The following ENOX1 variants were observed in gnomAD, a reference collection of about 807,000 sequenced individuals.
ENOX1 encodes ecto-NOX disulfide-thiol exchanger 1.
In ENOX1, 42 loss-of-function variants were observed where a neutral mutation model predicts 82.5. The ratio of observed to expected loss-of-function variants is 0.51; its 90% CI spans 0.40 to 0.66. The LOEUF is 0.66. ENOX1 is among the 30% of genes least tolerant of loss of function. The pLI is 0.00. For synonymous variants in ENOX1, 271 were observed against 282.2 expected (o/e 0.96, Z 0.40); for missense variants, 608 against 811.6 (o/e 0.75, Z 3.05).
chr13:43,383,258 G>C (rs2052185509), intron 5 of ENOX1, among the ~76,000 whole-genome samples: 1 of 152,082 alleles, frequency 6.6e-6, no homozygotes, highest in South Asian at 2.1e-4. Flanking sequence ...TTGTATATCT[G>C]AATTTACTCC....
At chr13:43,283,426 C>CTACTT (rs1389204274) in intron 12 of ENOX1, among the ~76,000 whole-genome samples, 1 of 151,872 alleles carries the variant, frequency 6.6e-6, no homozygotes, top group Admixed American at 6.6e-5. Context: ...ATTATCCCCT[C>CTACTT]TACTTTGTGT....
At chr13:43,482,992 CTG>C (rs1566344410) in intron 3 of ENOX1, among the ~76,000 whole-genome samples, 1 of 152,102 alleles carries the variant, frequency 6.6e-6, no homozygotes, top group Non-Finnish European at 1.5e-5. Context: ...AGTGGGAAAA[CTG>C]GAGTCTAGCC....
At chr13:43,752,723 TC>T (rs1185258406) in intron 1 of ENOX1, among the ~76,000 whole-genome samples, 4 of 152,304 alleles carry the variant, frequency 2.6e-5, no homozygotes, top group African/African-American at 9.6e-5. Context: ...GTTCCAAGGA[TC>T]TATTTTTCTG....
chr13:43,413,701 T>A (rs891475153), intron 3 of ENOX1, among the ~76,000 whole-genome samples: 1 of 147,094 alleles, frequency 6.8e-6, no homozygotes, highest in African/African-American at 2.5e-5. Flanking sequence ...ATATATATTT[T>A]TATATATTTA....
At chr13:43,536,229 G>A (rs1320099271) in intron 2 of ENOX1, among the ~76,000 whole-genome samples, 1 of 152,178 alleles carries the variant, frequency 6.6e-6, no homozygotes, top group Non-Finnish European at 1.5e-5. Context: ...AATGATTGGT[G>A]AATCTGGTTT....
chr13:43,615,560 T>A (rs2082371341), intron 2 of ENOX1, among the ~76,000 whole-genome samples: 1 of 152,174 alleles, frequency 6.6e-6, no homozygotes, highest in Admixed American at 6.5e-5. Flanking sequence ...CCATGCCTGA[T>A]CTAATTAATC....
intron 5 of ENOX1, among the ~76,000 whole-genome samples, chr13:43,405,047 A>G (rs2053712739): frequency 6.7e-6 from 1 of 149,902 alleles, no homozygotes; most frequent in Non-Finnish European, 1.5e-5. Context: ...AAGGGACTAA[A>G]GAAAGAAACT....
chr13:43,474,922 G>A (rs999706827), intron 3 of ENOX1, among the ~76,000 whole-genome samples: 3 of 152,050 alleles, frequency 2.0e-5, no homozygotes, highest in Admixed American at 6.6e-5. Flanking sequence ...CTGAGAGAAT[G>A]GGCCTACCCA....
intron 1 of ENOX1, among the ~76,000 whole-genome samples, chr13:43,727,062 G>A (rs1409019868): frequency 2.0e-5 from 3 of 152,064 alleles, no homozygotes; most frequent in South Asian, 2.1e-4. Context: ...GTGATGCACC[G>A]AAGAACACCC....
At chr13:43,754,521 C>T (rs2220788) in intron 1 of ENOX1, among the ~76,000 whole-genome samples, 4,957 of 150,786 alleles carry the variant, frequency 0.033, 213 homozygotes, top group East Asian at 0.22. Context: ...TTAGCAGAGA[C>T]GGGGTTTCAC....
At chr13:43,635,366 T>G (rs923869553) in intron 2 of ENOX1, among the ~76,000 whole-genome samples, 5 of 152,210 alleles carry the variant, frequency 3.3e-5, no homozygotes, top group African/African-American at 9.7e-5. Flanking sequence ...TCCTTTCTAC[T>G]GATGAGCATT....
intron 2 of ENOX1, among the ~76,000 whole-genome samples, chr13:43,653,717 G>T (rs1191878185): frequency 6.6e-6 from 1 of 152,022 alleles, no homozygotes; most frequent in Non-Finnish European, 1.5e-5. Context: ...CAGAACTTGA[G>T]TAGTCAATAA....
chr13:43,359,150 A>C (rs566246571), intron 7 of ENOX1, among the ~76,000 whole-genome samples: 1 of 151,962 alleles, frequency 6.6e-6, no homozygotes, highest in South Asian at 2.1e-4. Context: ...TGAAATGCAG[A>C]GGGACAGACT....
chr13:43,674,599 A>G (rs1366278884), intron 1 of ENOX1, among the ~76,000 whole-genome samples: 1 of 152,094 alleles, frequency 6.6e-6, no homozygotes, highest in Non-Finnish European at 1.5e-5. Flanking sequence ...GGAGGGAGGA[A>G]TAGGCAGAGG....
At position 43,524,186 on chromosome 13, in the gene ENOX1, T is replaced by A. The variant is rs188331200; in HGVS notation, c.-218-40034A>T. ...CCAACTCATTGTCTTGATAGTGACA[T>A]CTGAAAACAAGTTCTCACCCCATGG... On this transcript the variant is annotated intron_variant, in intron 2 of 16. Coordinates refer to ENST00000690772, the MANE Select transcript of ENOX1 (RefSeq NM_001347969.2). Among the ~76,000 whole-genome samples the A allele has an allele frequency of 1.4e-3, 217 of 152,268 alleles. 2 individuals are homozygous for A. The highest frequency in any genetic ancestry group is 6.8e-3 in the Middle Eastern group (2 of 292).
intron 11 of ENOX1, among the ~76,000 whole-genome samples, chr13:43,309,770 C>T (rs919943751): frequency 6.6e-6 from 1 of 152,154 alleles, no homozygotes; most frequent in Non-Finnish European, 1.5e-5. Context: ...CATTTAAACC[C>T]TCTATATATT....
At chr13:43,702,997 C>G (rs1347340746) in intron 1 of ENOX1, among the ~76,000 whole-genome samples, 1 of 140,890 alleles carries the variant, frequency 7.1e-6, no homozygotes, top group Non-Finnish European at 1.5e-5. Flanking sequence ...TGAGGAAGCC[C>G]TTTTGCCCCT....
intron 3 of ENOX1, among the ~76,000 whole-genome samples, chr13:43,453,727 G>A (rs2057084570): frequency 1.3e-5 from 2 of 152,204 alleles, no homozygotes; most frequent in South Asian, 4.1e-4. Context: ...AGGGATGGAG[G>A]TGCTGCAAGG....
At chr13:43,457,523 G>A (rs372650169) in intron 3 of ENOX1, among the ~76,000 whole-genome samples, 1 of 152,124 alleles carries the variant, frequency 6.6e-6, no homozygotes, top group Non-Finnish European at 1.5e-5. Context: ...AGCAGAAAGG[G>A]AGGGAGGGGG....
Sources: gnomAD v4.1 joint callset for allele counts (sites outside exome capture counted in the v4.1 genomes callset) on GRCh38, gnomAD v4.1.1 for gene constraint, MANE v1.5 for transcripts, NCBI Gene and HGNC (gene_info 2026-07-23, HGNC 2026-07-21) for gene names.